Variants in SRRM4 observed in about 807,000 individuals in gnomAD.
The protein encoded by SRRM4 is serine/arginine repetitive matrix 4.
In SRRM4, 33 loss-of-function variants were observed where a neutral mutation model predicts 68.9. The observed-to-expected ratio is 0.48, with a 90% CI of 0.36 to 0.64. SRRM4 has a LOEUF of 0.64. Ranked by LOEUF, SRRM4 falls within the 30% of genes least tolerant of loss-of-function variation. The probability of loss-of-function intolerance (pLI) is 0.00; values close to 1 mark genes in which losing one functional copy is unlikely to be tolerated. For missense variants in SRRM4, 817 were observed against 827.1 expected, an observed-to-expected ratio of 0.99 and a Z score of 0.15; for synonymous variants, 318 against 318.8, an observed-to-expected ratio of 1.00 and a Z score of 0.03.
chr12:119,093,358 G>A (rs912705322), intron 1 of SRRM4, among the ~76,000 whole-genome samples: 1 of 152,190 alleles, frequency 6.6e-6, no homozygotes, highest in Non-Finnish European at 1.5e-5. Flanking sequence ...CTTGGGAGCA[G>A]TTTACACTCT....
At chr12:119,069,006 G>T (rs1169147659) in intron 1 of SRRM4, among the ~76,000 whole-genome samples, 1 of 152,052 alleles carries the variant, frequency 6.6e-6, no homozygotes, top group Non-Finnish European at 1.5e-5. Flanking sequence ...CAGGGAACAG[G>T]GAATTTGGGA....
At chr12:119,108,060 A>C (rs559620729) in intron 2 of SRRM4, among the ~76,000 whole-genome samples, 1 of 152,012 alleles carries the variant, frequency 6.6e-6, no homozygotes, top group Non-Finnish European at 1.5e-5. Flanking sequence ...TTCTGCCTTC[A>C]TTTCGTTATG....
rs555022421 is a variant in SRRM4, at chr12:119,029,555, C to T, written c.131+47542C>T. 4.4e-4 allele frequency among the ~76,000 whole-genome samples: 67 copies of T among 152,298 alleles called. 1 individual carries two copies. The highest frequency in any genetic ancestry group is 1.5e-3 in the African/African-American group (61 of 41,570). Reference sequence around the variant, plus strand: ...TCTGTGCCAGGGACTGTCATAGATGCCTGGTGAGTCAAACAGAAGTGATCC... The same window carrying T: ...TCTGTGCCAGGGACTGTCATAGATGTCTGGTGAGTCAAACAGAAGTGATCC... On this transcript the variant is annotated intron_variant, in intron 1 of 12. Coordinates refer to ENST00000267260, the MANE Select transcript of SRRM4 (RefSeq NM_194286.4).
At chr12:119,071,997 C>T (rs955181) in intron 1 of SRRM4, among the ~76,000 whole-genome samples, 86,999 of 152,130 alleles carry the variant, frequency 0.57, 25,867 homozygotes, top group Middle Eastern at 0.76. Flanking sequence ...TAAAGCTCTG[C>T]AGCATTTGAT....
chr12:119,123,225 G>A (rs1182583987), intron 6 of SRRM4, among the ~76,000 whole-genome samples: 7 of 152,200 alleles, frequency 4.6e-5, no homozygotes, highest in East Asian at 1.9e-4. Context: ...AGGTCAGGAC[G>A]AAGGAGGGCA....
At chr12:119,029,531 C>G (rs1214637502) in intron 1 of SRRM4, among the ~76,000 whole-genome samples, 1 of 152,250 alleles carries the variant, frequency 6.6e-6, no homozygotes, top group Non-Finnish European at 1.5e-5. Flanking sequence ...GGAGCCCTCT[C>G]TGTGCCAGGG....
chr12:119,058,603 G>A (rs977099440), intron 1 of SRRM4, among the ~76,000 whole-genome samples: 2 of 152,188 alleles, frequency 1.3e-5, no homozygotes, highest in East Asian at 1.9e-4. Context: ...ACAGAGTCTA[G>A]CATATTATAA....
At chr12:119,147,569 G>T (rs1954412059) in intron 9 of SRRM4, among the ~76,000 whole-genome samples, 1 of 152,218 alleles carries the variant, frequency 6.6e-6, no homozygotes, top group Non-Finnish European at 1.5e-5. Flanking sequence ...GTAGCAGCAA[G>T]AAGTATATGG....
chr12:119,100,501 T>C (rs1195825387), intron 1 of SRRM4, among the ~76,000 whole-genome samples: 4 of 150,232 alleles, frequency 2.7e-5, no homozygotes, highest in Admixed American at 2.0e-4. Context: ...AAAAAAAAAA[T>C]GTGTTACCAT....
intron 7 of SRRM4, among the ~76,000 whole-genome samples, chr12:119,128,224 A>G (rs976345580): frequency 1.3e-5 from 2 of 152,192 alleles, no homozygotes; most frequent in African/African-American, 4.8e-5. Context: ...ATCAAGTCTG[A>G]GCCCAGATGA....
Position 119,161,301 on chromosome 12 carries a change from C to T in SRRM4, c.*4503C>T, listed in dbSNP as rs533582443. 3.9e-5 allele frequency: 6 copies of T among 152,318 alleles called. No homozygotes were observed. The South Asian group carries it at 1.2e-3, about 32-fold the overall frequency. 9.4% of individuals were successfully genotyped at this position (152,318 alleles called of 1,614,324 possible). The stretch of plus-strand genomic sequence containing the variant: ...AAAAACAGGATTCCTCCAAACATGC[C>T]TCCTCCCGCACTGGCCAGCCGAGTC... On this transcript the variant is annotated 3_prime_UTR_variant, in exon 13 of 13. Transcript: ENST00000267260.
chr12:119,000,221 C>T (rs189306062), intron 1 of SRRM4, among the ~76,000 whole-genome samples: 6 of 152,238 alleles, frequency 3.9e-5, no homozygotes, highest in East Asian at 3.9e-4. Flanking sequence ...GGAAAAGAGC[C>T]GGGCACACCT....
chr12:118,992,871 T>C (rs759489964), intron 1 of SRRM4, among the ~76,000 whole-genome samples: 2 of 152,114 alleles, frequency 1.3e-5, no homozygotes, highest in African/African-American at 2.4e-5. Context: ...ATGGGCTGCT[T>C]GGCACCCAGT....
chr12:118,989,137 G>GT (rs202180473), intron 1 of SRRM4, among the ~76,000 whole-genome samples: 1,564 of 152,216 alleles, frequency 0.01, 32 homozygotes, highest in African/African-American at 0.036. Context: ...CTGGGGGCAG[G>GT]AGGTGGTCCC....
chr12:118,987,852 A>T (rs1013497393), intron 1 of SRRM4, among the ~76,000 whole-genome samples: 2 of 152,258 alleles, frequency 1.3e-5, no homozygotes, highest in Non-Finnish European at 2.9e-5. Flanking sequence ...AGGTAGACAC[A>T]ACATAAGTAC....
At chr12:119,118,215 C>G (rs1214259443) in intron 4 of SRRM4, among the ~76,000 whole-genome samples, 1 of 152,202 alleles carries the variant, frequency 6.6e-6, no homozygotes, top group African/African-American at 2.4e-5. Flanking sequence ...AAGTTTGAAG[C>G]TCCCTATACA....
intron 3 of SRRM4, among the ~76,000 whole-genome samples, chr12:119,116,441 G>A (rs978094789): frequency 6.6e-6 from 1 of 152,188 alleles, no homozygotes; most frequent in African/African-American, 2.4e-5. Context: ...GACTTTGAGA[G>A]GAGGGTTGCA....
rs920206408 is a variant in SRRM4, at chr12:119,160,996, G to A, written c.*4198G>A. On this transcript the variant is annotated 3_prime_UTR_variant, in exon 13 of 13. Coordinates refer to ENST00000267260, the MANE Select transcript of SRRM4 (RefSeq NM_194286.4). ...GAAGCAGAATAAAATTAAGATGTTAGAACAAAGGTCTCAGTCTCAGAGAAC... is the reference window on the plus strand; with the variant it reads ...GAAGCAGAATAAAATTAAGATGTTAAAACAAAGGTCTCAGTCTCAGAGAAC... 6.6e-6 allele frequency: 1 copy of A among 152,164 alleles called. No homozygotes were observed. Among genetic ancestry groups the A allele is most frequent in the Non-Finnish European group, 1.5e-5 (1 of 68,040 alleles). The allele number at this position is 152,164 out of a possible 1,614,324, so 9.4% of individuals were successfully genotyped here.
At chr12:119,125,598 T>A in intron 7 of SRRM4, 119 bp downstream of exon 7, 3 of 812,730 alleles carry the variant, frequency 3.7e-6, no homozygotes, top group South Asian at 3.7e-5. Context: ...TTCCTCAGAC[T>A]CAGCAGCTGG....
Sources: gnomAD v4.1 joint callset for allele counts (sites outside exome capture counted in the v4.1 genomes callset) on GRCh38, gnomAD v4.1.1 for gene constraint, MANE v1.5 for transcripts, NCBI Gene and HGNC (gene_info 2026-07-23, HGNC 2026-07-21) for gene names.